CEP128: variants seen among roughly 807,000 people sequenced by gnomAD.
The protein encoded by CEP128 is centrosomal protein 128kDa.
A neutral mutation model predicts 156.7 loss-of-function variants in CEP128; 132 were observed. That is an observed-to-expected ratio of 0.84 (90% CI 0.73 to 0.97). The LOEUF is 0.97. Among genes scored for constraint, CEP128 ranks in the 50% least tolerant of loss-of-function variants. CEP128 has a pLI of 0.00. For missense variants in CEP128, 1,252 were observed against 1,281.9 expected (o/e 0.98, Z 0.36); for synonymous variants, 469 against 448.9 (o/e 1.04, Z -0.57).
intron 9 of CEP128, among the ~76,000 whole-genome samples, chr14:80,858,998 A>G (rs1887363797): frequency 6.6e-6 from 1 of 151,974 alleles, no homozygotes; most frequent in Admixed American, 6.5e-5. Context: ...GCGATTCCTC[A>G]GGGATCTAGA....
intron 20 of CEP128, among the ~76,000 whole-genome samples, chr14:80,563,524 C>CTTTTTTTTT (rs540593415): frequency 0.018 from 1,416 of 78,860 alleles, 224 homozygotes; most frequent in East Asian, 0.048. Context: ...GCCTCCAAAT[C>CTTTTTTTTT]TTTTTTTTTT....
At chr14:80,753,764 T>C (rs909794945) in intron 18 of CEP128, among the ~76,000 whole-genome samples, 4 of 152,200 alleles carry the variant, frequency 2.6e-5, no homozygotes, top group African/African-American at 9.6e-5. Flanking sequence ...TGCCACGAAT[T>C]TGCCTATCTG....
At chr14:80,672,845 A>C (rs1237319155) in intron 19 of CEP128, among the ~76,000 whole-genome samples, 2 of 152,188 alleles carry the variant, frequency 1.3e-5, no homozygotes, top group Non-Finnish European at 2.9e-5. Flanking sequence ...AAAAGTCAAA[A>C]GATAATAGTT....
intron 9 of CEP128, among the ~76,000 whole-genome samples, chr14:80,858,046 T>G (rs1887293267): frequency 6.6e-6 from 1 of 152,156 alleles, no homozygotes. Flanking sequence ...AAAAAACTAC[T>G]TTAAAGTTCA....
intron 19 of CEP128, among the ~76,000 whole-genome samples, chr14:80,588,307 A>C (rs562794617): frequency 6.6e-6 from 1 of 152,218 alleles, no homozygotes; most frequent in East Asian, 1.9e-4. Flanking sequence ...TCCTCTGGCA[A>C]TCCACACACA....
chr14:80,753,721 T>G (rs17111069), intron 18 of CEP128, among the ~76,000 whole-genome samples: 2,368 of 152,338 alleles, frequency 0.016, 40 homozygotes, highest in Middle Eastern at 0.044. Context: ...AGTTTCTGAC[T>G]ATCAGTCTCT....
At chr14:80,936,416 C>G (rs728444) in intron 2 of CEP128, among the ~76,000 whole-genome samples, 104,200 of 151,976 alleles carry the variant, frequency 0.69, 36,842 homozygotes, top group African/African-American at 0.87. Flanking sequence ...GGAAGGAAGA[C>G]AGGGAAGGAG....
At chr14:80,750,913 T>A (rs1440164333) in intron 18 of CEP128, among the ~76,000 whole-genome samples, 1 of 152,116 alleles carries the variant, frequency 6.6e-6, no homozygotes, top group Non-Finnish European at 1.5e-5. Context: ...GAAATTAAGG[T>A]TAAATAAGGT....
intron 21 of CEP128, among the ~76,000 whole-genome samples, chr14:80,552,305 A>AAT (rs1890242124): frequency 1.6e-5 from 2 of 125,088 alleles, no homozygotes; most frequent in Admixed American, 7.9e-5. Context: ...GTGAAACTCC[A>AAT]TCTCAAAAAA....
intron 19 of CEP128, among the ~76,000 whole-genome samples, chr14:80,710,907 C>T (rs1897378497): frequency 6.6e-6 from 1 of 152,044 alleles, no homozygotes; most frequent in African/African-American, 2.4e-5. Context: ...CAATAGTTTC[C>T]TCTAAAGTGA....
chr14:80,764,991 C>T (rs1900168776), intron 16 of CEP128, among the ~76,000 whole-genome samples: 1 of 152,168 alleles, frequency 6.6e-6, no homozygotes, highest in Middle Eastern at 3.2e-3. Flanking sequence ...GTTATAATTT[C>T]ATTCTTTCAT....
At chr14:80,514,193 A>T (rs1056111135) in intron 23 of CEP128, among the ~76,000 whole-genome samples, 10 of 152,166 alleles carry the variant, frequency 6.6e-5, no homozygotes, top group Admixed American at 2.0e-4. Flanking sequence ...GAACCAAACC[A>T]ATGTATTTGA....
At chr14:80,525,565 T>C (rs1888936483) in intron 23 of CEP128, among the ~76,000 whole-genome samples, 1 of 152,236 alleles carries the variant, frequency 6.6e-6, no homozygotes, top group East Asian at 1.9e-4. Flanking sequence ...CTTTACATGA[T>C]GCAGAAATGC....
chr14:80,741,575 T>C (rs1898833346), intron 19 of CEP128, among the ~76,000 whole-genome samples: 2 of 152,114 alleles, frequency 1.3e-5, no homozygotes. Flanking sequence ...GGAAACTCCT[T>C]CTCCCAGGGC....
intron 2 of CEP128, among the ~76,000 whole-genome samples, chr14:80,919,522 C>T (rs1161803328): frequency 6.6e-6 from 1 of 152,102 alleles, no homozygotes; most frequent in Non-Finnish European, 1.5e-5. Flanking sequence ...CAGGGATAAT[C>T]ACTAGCATGA....
intron 19 of CEP128, among the ~76,000 whole-genome samples, chr14:80,619,074 A>C (rs1413265417): frequency 6.6e-6 from 1 of 152,220 alleles, no homozygotes; most frequent in Non-Finnish European, 1.5e-5. Context: ...CCCGCATAGC[A>C]TATGAGTGGT....
intron 14 of CEP128, among the ~76,000 whole-genome samples, chr14:80,787,472 A>C (rs919728713): frequency 9.9e-5 from 15 of 152,078 alleles, no homozygotes; most frequent in Admixed American, 9.8e-4. Context: ...AAAAAAAAAA[A>C]CCTTCTATTG....
chr14:80,725,975 T>C (rs1262912475), intron 19 of CEP128, among the ~76,000 whole-genome samples: 1 of 152,230 alleles, frequency 6.6e-6, no homozygotes, highest in Non-Finnish European at 1.5e-5. Flanking sequence ...GAACAAGTAG[T>C]ATAAGGTACT....
chr14:80,842,921 G>C (rs894516863), intron 9 of CEP128, among the ~76,000 whole-genome samples: 7 of 151,638 alleles, frequency 4.6e-5, no homozygotes, highest in African/African-American at 1.7e-4. Context: ...GGGTCCCCGG[G>C]GCACATTTAA....
Sources: gnomAD v4.1 joint callset for allele counts (sites outside exome capture counted in the v4.1 genomes callset) on GRCh38, gnomAD v4.1.1 for gene constraint, MANE v1.5 for transcripts, NCBI Gene and HGNC (gene_info 2026-07-23, HGNC 2026-07-21) for gene names.